Variants in SUMF1 observed in about 807,000 individuals in gnomAD.
SUMF1 encodes sulfatase modifying factor 1, also known as formylglycine-generating enzyme.
A neutral mutation model predicts 47.6 loss-of-function variants in SUMF1; 48 were observed. The ratio of observed to expected loss-of-function variants is 1.01; its 90% confidence interval spans 0.80 to 1.28. The LOEUF is 1.28. Ranked by LOEUF, SUMF1 falls within the 50% of genes most tolerant of loss-of-function variation. The probability of loss-of-function intolerance (pLI) is 0.00; values close to 1 mark genes in which losing one functional copy is unlikely to be tolerated. For missense variants in SUMF1, 571 were observed against 485.4 expected (o/e 1.18, Z -1.66); for synonymous variants, 230 against 192.1 (o/e 1.20, Z -1.63).
In SUMF1 at chr3:4,039,604, T is replaced by A. The variant is rs565765367; in HGVS notation, c.1191+28965A>T. Among the ~76,000 whole-genome samples the A allele has an allele frequency of 2.3e-4, 34 of 148,072 alleles. 1 individual carries two copies. The highest frequency in any genetic ancestry group is 9.0e-4 in the African/African-American group (34 of 37,846). On this transcript the variant is annotated intron_variant and NMD_transcript_variant, in intron 9 of 12. Transcript: ENST00000448413. ...TCCATGGTGTATATGTGCCACATTTTCTTAATCCAGTCTATCATTGTTGGA... is the reference window on the plus strand; with the variant it reads ...TCCATGGTGTATATGTGCCACATTTACTTAATCCAGTCTATCATTGTTGGA...
chr3:4,405,499 A>G (rs1371515186), intron 7 of SUMF1, among the ~76,000 whole-genome samples: 11 of 151,834 alleles, frequency 7.2e-5, no homozygotes, highest in Admixed American at 7.2e-4. Flanking sequence ...CCATTCTCCC[A>G]CCTCAATCTG....
rs534491784 is a variant in SUMF1, at chr3:4,337,548, T to G, written c.1014+38782A>C. Among the ~76,000 whole-genome samples, 137 of 152,080 alleles carry G rather than the reference T, an allele frequency of 9.0e-4. 1 individual carries two copies. Among genetic ancestry groups the G allele is most frequent in the African/African-American group, 3.1e-3 (128 of 41,490 alleles). Reference sequence around the variant, plus strand: ...TAATCCCACTAATTCCAACCCCACATGCCCACAACCTCTGCTCACCATGGT... The same window carrying G: ...TAATCCCACTAATTCCAACCCCACAGGCCCACAACCTCTGCTCACCATGGT... On this transcript the variant is annotated intron_variant and NMD_transcript_variant, in intron 8 of 12. Transcript: ENST00000448413.
intron 8 of SUMF1, among the ~76,000 whole-genome samples, chr3:4,226,153 C>T (rs533098627): frequency 2.1e-4 from 32 of 151,606 alleles, no homozygotes; most frequent in South Asian, 4.2e-4. Context: ...AAATTGTATG[C>T]GCTGAATAAG....
intron 8 of SUMF1, among the ~76,000 whole-genome samples, chr3:4,177,458 G>A (rs189318339): frequency 6.6e-6 from 1 of 152,134 alleles, no homozygotes; most frequent in Non-Finnish European, 1.5e-5. Flanking sequence ...ATAATGAAAT[G>A]AAGGCACAAA....
chr3:4,332,339 C>G (rs1575105209), intron 8 of SUMF1, among the ~76,000 whole-genome samples: 1 of 152,176 alleles, frequency 6.6e-6, no homozygotes, highest in East Asian at 1.9e-4. Context: ...CTAGGCAACC[C>G]TAAATTTACA....
intron 1 of SUMF1, among the ~76,000 whole-genome samples, chr3:4,464,835 AT>A (rs2079901441): frequency 6.6e-6 from 1 of 152,252 alleles, no homozygotes; most frequent in African/African-American, 2.4e-5. Context: ...GCTTGAAGGT[AT>A]ATTCTCATCA....
At chr3:4,204,242 A>T (rs1695603019) in intron 8 of SUMF1, among the ~76,000 whole-genome samples, 1 of 152,094 alleles carries the variant, frequency 6.6e-6, no homozygotes, top group African/African-American at 2.4e-5. Context: ...TTTGAAGGAT[A>T]TTCAAATACA....
intron 8 of SUMF1, among the ~76,000 whole-genome samples, chr3:4,307,913 G>T (rs1698253426): frequency 1.3e-5 from 2 of 152,080 alleles, no homozygotes; most frequent in African/African-American, 4.8e-5. Flanking sequence ...ACCAGACATG[G>T]TGGTGCATGC....
chr3:4,389,394 T>A (rs1700780776), intron 7 of SUMF1, among the ~76,000 whole-genome samples: 1 of 146,182 alleles, frequency 6.8e-6, no homozygotes, highest in Non-Finnish European at 1.5e-5. Flanking sequence ...AAAAGTTTTG[T>A]CTTTAGTGTT....
chr3:4,358,573 A>C (rs999883969), downstream of SUMF1, among the ~76,000 whole-genome samples: 8 of 152,316 alleles, frequency 5.3e-5, no homozygotes, highest in African/African-American at 1.7e-4. Context: ...CCTTCTCATA[A>C]TTTTAAAGAA....
chr3:4,279,915 AT>A (rs1273062028), intron 8 of SUMF1, among the ~76,000 whole-genome samples: 3 of 152,198 alleles, frequency 2.0e-5, no homozygotes, highest in African/African-American at 7.2e-5. Flanking sequence ...AGATTTTTAA[AT>A]TTAATTTTGG....
intron 8 of SUMF1, among the ~76,000 whole-genome samples, chr3:4,297,795 G>A (rs1047147388): frequency 6.6e-6 from 1 of 151,954 alleles, no homozygotes; most frequent in African/African-American, 2.4e-5. Context: ...TTTCATCACT[G>A]GCTACAAAGT....
Position 4,452,871 on chromosome 3 carries a change from A to G in SUMF1, c.444+5T>C. 2 of 1,613,770 alleles carry G rather than the reference A, an allele frequency of 1.2e-6. No individual in the cohort carries two copies. Among genetic ancestry groups the G allele is most frequent in the East Asian group, 2.2e-5 (1 of 44,890 alleles). On this transcript the variant is annotated splice_donor_5th_base_variant and intron_variant, in intron 2 of 8. Transcript: ENST00000272902. ...AGTTCTCCCTCCTTTCCCCAATCCC[A>G]TTACCTCTGTCAAATAGCCAGTTGA...
chr3:4,379,435 G>C (rs1158224880), intron 7 of SUMF1, among the ~76,000 whole-genome samples: 1 of 152,232 alleles, frequency 6.6e-6, no homozygotes, highest in African/African-American at 2.4e-5. Flanking sequence ...GCCAAGGAAT[G>C]AGAAGGATTC....
rs963555327 is a variant in SUMF1 at position 4,140,627 on chromosome 3, C to G, written c.1015-71882G>C. On this transcript the variant is annotated intron_variant and NMD_transcript_variant, in intron 8 of 12. Transcript: ENST00000448413. ...CTCCCATGTAATTATTTACATTATT[C>G]CTTGACTTTACCTAATTTTTGTACT... Among the ~76,000 whole-genome samples, 74 of 152,000 alleles carry G rather than the reference C, an allele frequency of 4.9e-4. 1 individual carries two copies. Among genetic ancestry groups the G allele is most frequent in the Non-Finnish European group, 7.1e-4 (48 of 67,938 alleles).
intron 8 of SUMF1, among the ~76,000 whole-genome samples, chr3:4,250,126 G>A (rs570816840): frequency 6.6e-6 from 1 of 150,612 alleles, no homozygotes; most frequent in South Asian, 2.2e-4. Context: ...GAGGTTAGTG[G>A]AAGCCAAGAT....
At chr3:4,234,225 G>T (rs1157193065) in intron 8 of SUMF1, among the ~76,000 whole-genome samples, 1 of 151,740 alleles carries the variant, frequency 6.6e-6, no homozygotes, top group Non-Finnish European at 1.5e-5. Context: ...AAAGTCAGAG[G>T]TTGAATAATT....
intron 8 of SUMF1, among the ~76,000 whole-genome samples, chr3:4,295,847 T>C (rs1384974155): frequency 6.6e-6 from 1 of 152,218 alleles, no homozygotes; most frequent in Non-Finnish European, 1.5e-5. Context: ...ATTCTGATTG[T>C]GATTTTATCT....
Position 4,374,963 on chromosome 3 carries a change from G to C in SUMF1, c.1014+1367C>G, listed in dbSNP as rs533533567. Among the ~76,000 whole-genome samples, 3 of 151,936 alleles carry C rather than the reference G, an allele frequency of 2.0e-5. No individual in the cohort carries two copies. The South Asian group carries it at 6.3e-4, about 32-fold the overall frequency. On this transcript the variant is annotated intron_variant, in intron 8 of 8. Transcript: ENST00000272902. ...GAATTTCCTGAGCCCAAATGTTCAA[G>C]ACCAGCCTAGGCAACATGGCAAGAC...
Sources: allele counts gnomAD v4.1 joint callset (sites outside exome capture counted in the v4.1 genomes callset), GRCh38; gene constraint gnomAD v4.1.1; transcripts MANE v1.5; gene names NCBI Gene and HGNC (gene_info 2026-07-23, HGNC 2026-07-21).